The following MCF2L variants were observed in gnomAD, a reference collection of about 807,000 sequenced individuals.
The protein encoded by MCF2L is guanine nucleotide exchange factor DBS.
Under a neutral mutation model 153.4 loss-of-function variants are expected in MCF2L, and 97 were observed. The ratio of observed to expected loss-of-function variants is 0.63; its 90% CI spans 0.54 to 0.75. MCF2L has a LOEUF of 0.75. MCF2L is among the 30% of genes least tolerant of loss of function. MCF2L has a pLI of 0.00. For missense variants in MCF2L, 1,347 were observed against 1,495.2 expected (o/e 0.90, Z 1.64); for synonymous variants, 659 against 632.2 (o/e 1.04, Z -0.64).
At chr13:113,072,572 G>A (rs74115781) in intron 9 of MCF2L, among the ~76,000 whole-genome samples, 6,115 of 152,230 alleles carry the variant, frequency 0.04, 432 homozygotes, top group African/African-American at 0.14. Flanking sequence ...TAATAGTTAC[G>A]CAACTATTGA....
At chr13:113,055,988 A>G (rs566855784) in intron 4 of MCF2L, among the ~76,000 whole-genome samples, 1 of 152,184 alleles carries the variant, frequency 6.6e-6, no homozygotes, top group Non-Finnish European at 1.5e-5. Flanking sequence ...TCCACTCCGC[A>G]GCAGACACCC....
chr13:113,026,064 A>G lies in MCF2L; in HGVS notation c.278+1306A>G, dbSNP rs1163830737. 2.6e-4 allele frequency among the ~76,000 whole-genome samples: 7 copies of G among 26,930 alleles called. 1 individual carries two copies. Among genetic ancestry groups the G allele is most frequent in the African/African-American group, 5.1e-4 (4 of 7,800 alleles). The allele number at this position is 26,930 out of a possible 152,430, so 17.7% of individuals were successfully genotyped here. ...GGCAGAGTCCCTGTGAGATTTCCCC[A>G]TCATGCGGTCCCCGTGACTGTGGGT... On this transcript the variant is annotated intron_variant, in intron 3 of 29. Transcript: ENST00000535094.
At chr13:113,088,522 A>T in intron 24 of MCF2L, 40 bp from the exon 25 acceptor site, 1 of 1,611,160 alleles carries the variant, frequency 6.2e-7, no homozygotes, top group Non-Finnish European at 8.5e-7. Context: ...GTTGAAGTAA[A>T]GACGCTCGTT....
rs758563520 is a variant in MCF2L at position 113,077,195 on chromosome 13, G to A, written c.1644G>A (p.Ser548=). The part of the protein sequence containing the change: ...VAPRPEALAK[S]PCPSPGIRRG... The stretch of plus-strand genomic sequence containing the variant: ...CCAGACCCGAGGCACTGGCAAAGTC[G>A]CCCTGCCCCTCCCCAGGTCTGTGTG... The change falls in exon 13 of 30, where the codon TCG becomes TCA. Residue 548 remains serine (S), a synonymous_variant. Transcript: ENST00000535094. 2.4e-5 allele frequency: 38 copies of A among 1,591,448 alleles called. No homozygotes were observed. Among genetic ancestry groups the A allele is most frequent in the African/African-American group, 5.4e-5 (4 of 74,484 alleles).
chr13:112,908,941 GT>G (rs1778154330), intron 2 of MCF2L, among the ~76,000 whole-genome samples: 1 of 152,016 alleles, frequency 6.6e-6, no homozygotes, highest in African/African-American at 2.4e-5. Flanking sequence ...AGCCAGGATT[GT>G]CTCGATCTCC....
chr13:112,922,928 G>T (rs1027638075), intron 2 of MCF2L, among the ~76,000 whole-genome samples: 2 of 152,254 alleles, frequency 1.3e-5, no homozygotes, highest in East Asian at 3.8e-4. Flanking sequence ...TGCATAGAGA[G>T]AAATCATGTA....
intron 2 of MCF2L, among the ~76,000 whole-genome samples, chr13:112,940,649 A>G (rs2081566728): frequency 6.6e-6 from 1 of 152,274 alleles, no homozygotes; most frequent in Non-Finnish European, 1.5e-5. Context: ...GTACATTTCA[A>G]TCAGTTTTTG....
chr13:112,988,697 G>C (rs1360330630), intron 1 of MCF2L, among the ~76,000 whole-genome samples: 11 of 102,512 alleles, frequency 1.1e-4, no homozygotes, highest in Admixed American at 4.4e-4. Flanking sequence ...ATGGAGCTAT[G>C]ACACCGGAGT....
rs2085362396 is a variant in MCF2L, at chr13:113,027,137, G to C, written c.278+2379G>C. 1.4e-6 allele frequency: 1 copy of C among 701,048 alleles called. No individual in the cohort carries two copies. Among genetic ancestry groups the C allele is most frequent in the South Asian group, 1.5e-5 (1 of 66,434 alleles). The allele number at this position is 701,048 out of a possible 1,614,324, so 43.4% of individuals were successfully genotyped here. A position where few individuals can be genotyped will look rare whatever the true frequency, so the allele number is the denominator to read the frequency against. ...AGAGGAGATGTTTAACCATCAGCGTGAAAGTGCAGCCGTGGCCATTACCGT... is the reference window on the plus strand; with the variant it reads ...AGAGGAGATGTTTAACCATCAGCGTCAAAGTGCAGCCGTGGCCATTACCGT... On this transcript the variant is annotated intron_variant, in intron 3 of 29. Coordinates refer to ENST00000535094, the MANE Select transcript of MCF2L (RefSeq NM_001112732.3). This position sits in a 1 kb window ranked among gnomAD's most constrained non-coding sequence, Gnocchi z 4.8.
At position 113,001,899 on chromosome 13, in the gene MCF2L, G is replaced by A. The variant is rs750625701; in HGVS notation, c.80-12864G>A. ...GAGCCGGGTCGGGGGCTCCTGACTCGCACTGGGCAGCATGACGGTGCGCCG... is the reference window on the plus strand; with the variant it reads ...GAGCCGGGTCGGGGGCTCCTGACTCACACTGGGCAGCATGACGGTGCGCCG... On this transcript the variant is annotated intron_variant, in intron 1 of 29. Transcript: ENST00000535094. 17 of 1,589,184 alleles carry A rather than the reference G, an allele frequency of 1.1e-5. No homozygotes were observed. The African/African-American group carries it at 1.2e-4, about 11-fold the overall frequency.
At chr13:112,967,438 T>C (rs1566666669), upstream of MCF2L, 2 of 152,234 alleles carry the variant, frequency 1.3e-5, no homozygotes, top group African/African-American at 4.8e-5. Context: ...AAACTGCTGA[T>C]ACTCAATACG....
Position 112,993,730 on chromosome 13 carries a change from G to C in MCF2L, c.80-21033G>C, listed in dbSNP as rs2082990118. 6.6e-6 allele frequency among the ~76,000 whole-genome samples: 1 copy of C among 152,116 alleles called. No homozygotes were observed. ...GTCAAGAGAGACTTCAGAGGGAGAGGTTAGGTGATCCCATCCCATTTTAGC... is the reference window on the plus strand; with the variant it reads ...GTCAAGAGAGACTTCAGAGGGAGAGCTTAGGTGATCCCATCCCATTTTAGC... On this transcript the variant is annotated intron_variant, in intron 1 of 29. Transcript: ENST00000535094. The surrounding 1 kb of genome is among the most constrained non-coding windows in gnomAD (Gnocchi z 4.6).
At position 113,096,429 on chromosome 13, in the gene MCF2L, G is replaced by C. The variant is rs760556135; in HGVS notation, c.3134G>C (p.Arg1045Pro). The C allele has an allele frequency of 1.3e-6, 2 of 1,596,190 alleles. No individual in the cohort carries two copies. Among genetic ancestry groups the C allele is most frequent in the Admixed American group, 1.7e-5 (1 of 57,766 alleles). Residue 1045 changes from arginine to proline, a missense_variant, in exon 28 of 30, where the codon CGC becomes CCC. Coordinates refer to ENST00000535094, the MANE Select transcript of MCF2L (RefSeq NM_001112732.3). Reference protein sequence around the residue: ...DHEKGGPDALRVRSGDVVELV... With the variant: ...DHEKGGPDALPVRSGDVVELV... Reference sequence around the variant, plus strand: ...GAGAAGGGAGGCCCCGATGCGCTGCGCGTGAGGAGCGGGGACGTGGTGGAG... The same window carrying C: ...GAGAAGGGAGGCCCCGATGCGCTGCCCGTGAGGAGCGGGGACGTGGTGGAG...
chr13:113,091,423 G>A (rs935853684), intron 26 of MCF2L, among the ~76,000 whole-genome samples: 6 of 152,222 alleles, frequency 3.9e-5, no homozygotes, highest in Admixed American at 2.0e-4. Flanking sequence ...TGGAGCCTGC[G>A]GAACTGCCCA....
chr13:112,969,209 GT>G, upstream of MCF2L: 1 of 1,144,222 alleles, frequency 8.7e-7, no homozygotes, highest in Non-Finnish European at 1.1e-6. The surrounding 1 kb of genome is among the most constrained non-coding windows in gnomAD (Gnocchi z 4.8). Context: ...CCCCCTCCCG[GT>G]GGCGCGGAAC....
At chr13:113,017,760 C>A (rs1326200537) in intron 2 of MCF2L, among the ~76,000 whole-genome samples, 1 of 152,208 alleles carries the variant, frequency 6.6e-6, no homozygotes, top group African/African-American at 2.4e-5. Flanking sequence ...GGGCTGGGGT[C>A]CAGCTGGGTG....
intron 1 of MCF2L, among the ~76,000 whole-genome samples, chr13:112,989,457 C>A (rs545242826): frequency 0.015 from 568 of 38,668 alleles, 48 homozygotes; most frequent in African/African-American, 0.055. Flanking sequence ...CCTCCCTGAG[C>A]AGGACATGGA....
At chr13:112,982,119 C>A (rs1422812661) in intron 1 of MCF2L, among the ~76,000 whole-genome samples, 1 of 151,958 alleles carries the variant, frequency 6.6e-6, no homozygotes, top group Admixed American at 6.5e-5. Context: ...ATGGGGCCGA[C>A]GAGGGGGACA....
chr13:112,973,965 C>T (rs2082134837), intron 1 of MCF2L, among the ~76,000 whole-genome samples: 1 of 152,304 alleles, frequency 6.6e-6, no homozygotes, highest in Admixed American at 6.5e-5. Context: ...CGCCTTCCAG[C>T]GTCTTCCTGA....
Sources: gnomAD v4.1 joint callset for allele counts (sites outside exome capture counted in the v4.1 genomes callset) on GRCh38, gnomAD v4.1.1 for gene constraint, Gnocchi (gnomAD v3.1) non-coding constraint, MANE v1.5 for transcripts, NCBI Gene and HGNC (gene_info 2026-07-23, HGNC 2026-07-21) for gene names.